PIEZO1: variants seen among roughly 807,000 people sequenced by gnomAD.
PIEZO1 encodes the protein piezo-type mechanosensitive ion channel component 1.
Under a neutral mutation model 297.2 loss-of-function variants are expected in PIEZO1, and 296 were observed. The observed-to-expected ratio is 1.00, with a 90% confidence interval of 0.91 to 1.10. PIEZO1 has a LOEUF of 1.10. Among genes scored for constraint, PIEZO1 ranks in the 50% least tolerant of loss-of-function variants. The pLI is 0.00. For missense variants in PIEZO1, 5,018 were observed against 3,455.5 expected, an observed-to-expected ratio of 1.45 and a Z score of -11.34; for synonymous variants, 2,427 against 1,507.5, an observed-to-expected ratio of 1.61 and a Z score of -14.13.
At chr16:88,779,567 T>C (rs1281932734) in intron 1 of PIEZO1, among the ~76,000 whole-genome samples, 1 of 152,228 alleles carries the variant, frequency 6.6e-6, no homozygotes, top group Non-Finnish European at 1.5e-5. Flanking sequence ...TTCTGGCTGC[T>C]GCCCAGAGCT....
chr16:88,721,352 C>G lies in PIEZO1; in HGVS notation c.5482G>C (p.Glu1828Gln), dbSNP rs532921066. 1.1e-5 allele frequency: 17 copies of G among 1,548,858 alleles called. No homozygotes were observed. In the East Asian group the frequency reaches 3.7e-4, roughly 33 times the overall value. ...GCCGCAGGCACCCCTGGCCCCTCCT[C>G]GGCTCCCTGCTCCTCCTCGCCGCTC... ...DKSGEEEQGAEEGPGVPAATT... is the reference protein window; with the variant it reads ...DKSGEEEQGAQEGPGVPAATT... The change falls in exon 39 of 51, where the codon GAG becomes CAG. Residue 1828 changes from glutamate to glutamine, a missense_variant. Physicochemically the swap from Glu to Gln is conservative, Grantham distance 29. Transcript: ENST00000301015.
At chr16:88,739,023 C>T (rs1905454674) in intron 5 of PIEZO1, 2 of 516,660 alleles carry the variant, frequency 3.9e-6, no homozygotes, top group African/African-American at 1.9e-5. Context: ...CACGTGATGA[C>T]CTTGCCAGGT....
At chr16:88,745,743 C>T (rs1225927460) in intron 2 of PIEZO1, 5 of 91,334 alleles carry the variant, frequency 5.5e-5, no homozygotes, top group African/African-American at 2.1e-4. Context: ...AACAAGACTC[C>T]GTCTCAAAAA....
intron 1 of PIEZO1, among the ~76,000 whole-genome samples, chr16:88,766,715 T>A (rs182054465): frequency 1.3e-5 from 2 of 152,220 alleles, no homozygotes; most frequent in East Asian, 1.9e-4. Flanking sequence ...GGGAAAAAAA[T>A]CAACATTCTG....
intron 22 of PIEZO1, 68 bp from the exon 23 acceptor site, chr16:88,727,729 C>A (rs1904556700): frequency 2.8e-6 from 2 of 713,158 alleles, no homozygotes; most frequent in Admixed American, 3.4e-5. Flanking sequence ...CGGTCCCCAC[C>A]CGTTGACCCG....
intron 1 of PIEZO1, among the ~76,000 whole-genome samples, chr16:88,762,196 T>A (rs574429294): frequency 3.3e-5 from 5 of 151,868 alleles, no homozygotes; most frequent in African/African-American, 1.2e-4. Flanking sequence ...AGCAGCAAGG[T>A]CTCCCTCCCG....
intron 1 of PIEZO1, among the ~76,000 whole-genome samples, chr16:88,752,002 AGAAGCGTAGG>A (rs2142867864): frequency 1.3e-5 from 2 of 152,382 alleles, no homozygotes; most frequent in South Asian, 4.1e-4. Context: ...TCCTGGAGTC[AGAAGCGTAGG>A]TCCTGGGGAT....
intron 45 of PIEZO1, 58 bp downstream of exon 45, chr16:88,716,965 C>A: frequency 3.9e-6 from 6 of 1,545,298 alleles, no homozygotes; most frequent in Non-Finnish European, 5.3e-6. Context: ...GGTGGTGCAC[C>A]ACCTTGGCCA....
chr16:88,739,078 C>T (rs1905457634), intron 5 of PIEZO1: 2 of 287,156 alleles, frequency 7.0e-6, no homozygotes, highest in Non-Finnish European at 1.3e-5. Flanking sequence ...TCTCCCCGAA[C>T]CACGCACCCA....
intron 1 of PIEZO1, among the ~76,000 whole-genome samples, chr16:88,756,157 T>C (rs538904659): frequency 6.0e-4 from 92 of 152,262 alleles, no homozygotes; most frequent in Middle Eastern, 3.4e-3. Flanking sequence ...GGGTGGTCTA[T>C]GCTCTCGGGG....
chr16:88,759,911 C>A (rs1163284774), intron 1 of PIEZO1, among the ~76,000 whole-genome samples: 1 of 152,156 alleles, frequency 6.6e-6, no homozygotes, highest in Non-Finnish European at 1.5e-5. Context: ...ACCTGGGGGG[C>A]TCCCCCAATG....
chr16:88,768,913 C>G (rs563152842), intron 1 of PIEZO1, among the ~76,000 whole-genome samples: 1 of 152,318 alleles, frequency 6.6e-6, no homozygotes, highest in Admixed American at 6.5e-5. Flanking sequence ...TGGCCGGGGC[C>G]GGATGCACCT....
intron 12 of PIEZO1, 45 bp from the exon 13 acceptor site, chr16:88,735,291 C>T (rs1243569955): frequency 2.2e-6 from 3 of 1,373,692 alleles, no homozygotes; most frequent in Non-Finnish European, 3.0e-6. Context: ...GGGCCCAGCA[C>T]CCCTCCCACA....
intron 1 of PIEZO1, among the ~76,000 whole-genome samples, chr16:88,760,084 A>G (rs1555561306): frequency 6.8e-6 from 1 of 148,058 alleles, no homozygotes; most frequent in Non-Finnish European, 1.5e-5. Context: ...CGCCTGGCCC[A>G]CCCTCCACAA....
At chr16:88,784,861 GC>G (rs1180501035) in intron 1 of PIEZO1, 39 bp downstream of exon 1, 6 of 1,352,280 alleles carry the variant, frequency 4.4e-6, no homozygotes, top group South Asian at 1.3e-5. Context: ...CCGAGACGCA[GC>G]CCCCTCCCGT....
rs1036364984 is a variant in PIEZO1 at position 88,723,105 on chromosome 16, C to G, written c.4485G>C (p.Glu1495Asp). 2 of 1,548,192 alleles carry G rather than the reference C, an allele frequency of 1.3e-6. No individual in the cohort carries two copies. Among genetic ancestry groups the G allele is most frequent in the African/African-American group, 2.7e-5 (2 of 73,020 alleles). ...QEVEPAEGPE[E>D]AAAGRSHVVQ... ...CCCGGGCCCACGTACCTGCCGCTGCCTCCTCGGGGCCCTCTGCTGGCTCCA... is the reference window on the plus strand; with the variant it reads ...CCCGGGCCCACGTACCTGCCGCTGCGTCCTCGGGGCCCTCTGCTGGCTCCA... The change falls in exon 33 of 51, where the codon GAG becomes GAC. Residue 1495 changes from glutamate to aspartate, a missense_variant. Transcript: ENST00000301015.
At chr16:88,763,590 C>G (rs1907027306) in intron 1 of PIEZO1, among the ~76,000 whole-genome samples, 1 of 152,206 alleles carries the variant, frequency 6.6e-6, no homozygotes, top group African/African-American at 2.4e-5. Flanking sequence ...CAGCCAGGGT[C>G]TGGCGTGATA....
intron 44 of PIEZO1, chr16:88,717,773 G>T: frequency 2.2e-6 from 1 of 451,124 alleles, no homozygotes; most frequent in South Asian, 1.6e-5. Context: ...AGAATACAGA[G>T]AATTCTTCCA....
chr16:88,720,257 C>A lies in PIEZO1; in HGVS notation c.5976G>T (p.Thr1992=). 6.4e-7 allele frequency: 1 copy of A among 1,550,514 alleles called. No individual in the cohort carries two copies. Among genetic ancestry groups the A allele is most frequent in the Non-Finnish European group, 8.7e-7 (1 of 1,146,966 alleles). ...FGKHSAATDI[T]SSLSDDQVPE... ...GTACCTGGTCGTCTGATAGGGAGGACGTGATGTCTGTGGCCGCCGAGTGCT... is the reference window on the plus strand; with the variant it reads ...GTACCTGGTCGTCTGATAGGGAGGAAGTGATGTCTGTGGCCGCCGAGTGCT... Residue 1992 remains threonine (T), a synonymous_variant, in exon 42 of 51, where the codon ACG becomes ACT. Coordinates refer to ENST00000301015, the MANE Select transcript of PIEZO1 (RefSeq NM_001142864.4).
Sources: gnomAD v4.1 joint callset for allele counts (sites outside exome capture counted in the v4.1 genomes callset) on GRCh38, gnomAD v4.1.1 for gene constraint, MANE v1.5 for transcripts, NCBI Gene and HGNC (gene_info 2026-07-23, HGNC 2026-07-21) for gene names.